The following ALG13 variants were observed in gnomAD, a reference collection of about 807,000 sequenced individuals.
ALG13 encodes ALG13 UDP-N-acetylglucosaminyltransferase subunit, also known as UDP-N-acetylglucosamine transferase subunit ALG13.
In ALG13, 11 loss-of-function variants were observed where a neutral mutation model predicts 87.8. That is an observed-to-expected ratio of 0.13 (90% CI 0.08 to 0.21). ALG13 has a LOEUF of 0.21. ALG13 is among the 10% of genes least tolerant of loss of function. The probability of loss-of-function intolerance (pLI) is 1.00; values close to 1 mark genes in which losing one functional copy is unlikely to be tolerated. For synonymous variants in ALG13, 320 were observed against 306.3 expected, an observed-to-expected ratio of 1.04 and a Z score of -0.47; for missense variants, 756 against 866.1, an observed-to-expected ratio of 0.87 and a Z score of 1.60.
chrX:111,701,486 C>T (rs1409083172), intron 3 of ALG13, among the ~76,000 whole-genome samples: 1 of 111,593 alleles, frequency 9.0e-6, no homozygotes, highest in Non-Finnish European at 1.9e-5. Flanking sequence ...AATTTGTTGG[C>T]GTATAATTGT....
In ALG13 at chrX:111,744,158, T is replaced by A. The variant is rs547544455; in HGVS notation, c.2696-510T>A. On this transcript the variant is annotated intron_variant, in intron 23 of 26. Coordinates refer to ENST00000394780, the MANE Select transcript of ALG13 (RefSeq NM_001099922.3). ...TTTAGATTCTGTACCTCCTTAGAAA[T>A]GGAACGTTCATGATTTAAAGTTCCC... Among the ~76,000 whole-genome samples, 192 of 111,753 alleles carry A rather than the reference T, an allele frequency of 1.7e-3. No individual in the cohort carries two copies. The South Asian group carries it at 0.02, about 12-fold the overall frequency.
At chrX:111,756,766 T>TG (rs1222146275) in intron 25 of ALG13, among the ~76,000 whole-genome samples, 3 of 112,201 alleles carry the variant, frequency 2.7e-5, no homozygotes, top group Non-Finnish European at 5.6e-5. Flanking sequence ...GACATGTCAG[T>TG]GCCAAGAAAA....
In ALG13 at chrX:111,746,972, C is replaced by T. The variant is rs186302955; in HGVS notation, c.2932+2068C>T. Among the ~76,000 whole-genome samples the T allele has an allele frequency of 1.5e-3, 169 of 111,396 alleles. No individual in the cohort carries two copies. The Admixed American group carries it at 0.016, about 10-fold the overall frequency. Reference sequence around the variant, plus strand: ...GGCATAGGGATTTCCCATTTTCCACCGGCCCCCACATGTCCGTAGCCTTCC... The same window carrying T: ...GGCATAGGGATTTCCCATTTTCCACTGGCCCCCACATGTCCGTAGCCTTCC... On this transcript the variant is annotated intron_variant, in intron 24 of 26. Coordinates refer to ENST00000394780, the MANE Select transcript of ALG13 (RefSeq NM_001099922.3).
chrX:111,688,062 AT>A, intron 3 of ALG13: 1 of 938,061 alleles, frequency 1.1e-6, no homozygotes, highest in South Asian at 4.5e-5. Flanking sequence ...ATGTGATTAA[AT>A]CAAATTAAAT....
chrX:111,683,193 C>A (rs1293634041), intron 2 of ALG13, among the ~76,000 whole-genome samples: 1 of 110,579 alleles, frequency 9.0e-6, no homozygotes, highest in Non-Finnish European at 1.9e-5. Context: ...TTAGTATCTC[C>A]ATTTTACACA....
intron 3 of ALG13, chrX:111,689,621 CTTTAAAATCA>C (rs1327852822): frequency 2.7e-6 from 2 of 748,853 alleles, no homozygotes; most frequent in African/African-American, 4.6e-5. Context: ...TCAAAGGAGA[CTTTAAAATCA>C]TTTTGATTTG....
intron 3 of ALG13, among the ~76,000 whole-genome samples, chrX:111,700,129 A>G (rs186212327): frequency 1.0e-3 from 107 of 104,512 alleles, no homozygotes; most frequent in African/African-American, 3.3e-3. Context: ...ATTTATACCT[A>G]AGTATTTGTT....
chrX:111,682,299 A>G lies in ALG13; in HGVS notation c.244+5A>G. 1 of 1,155,187 alleles carries G rather than the reference A, an allele frequency of 8.7e-7. No individual in the cohort carries two copies. Among genetic ancestry groups the G allele is most frequent in the Non-Finnish European group, 1.2e-6 (1 of 866,792 alleles). Reference sequence around the variant, plus strand: ...ATCTTGTTATTAGTCACGCAGGTAAAGGTGCCTAAGAATCTCAGGGTTGGG... The same window carrying G: ...ATCTTGTTATTAGTCACGCAGGTAAGGGTGCCTAAGAATCTCAGGGTTGGG... On this transcript the variant is annotated splice_donor_5th_base_variant and intron_variant, in intron 2 of 26. Coordinates refer to ENST00000394780, the MANE Select transcript of ALG13 (RefSeq NM_001099922.3).
intron 3 of ALG13, among the ~76,000 whole-genome samples, chrX:111,700,094 A>G (rs1474636387): frequency 1.3e-5 from 1 of 77,907 alleles, no homozygotes; most frequent in African/African-American, 5.2e-5. Context: ...TCAGTGTTAT[A>G]TCAGTCTTTT....
intron 3 of ALG13, among the ~76,000 whole-genome samples, chrX:111,706,395 T>C (rs1938771603): frequency 8.9e-6 from 1 of 112,726 alleles, no homozygotes; most frequent in Non-Finnish European, 1.9e-5. Flanking sequence ...GCAATCTCTC[T>C]TCCCAAACTG....
At chrX:111,740,311 C>T (rs1401372753) in intron 23 of ALG13, among the ~76,000 whole-genome samples, 1 of 110,680 alleles carries the variant, frequency 9.0e-6, no homozygotes, top group African/African-American at 3.3e-5. Context: ...TATCCCGTGT[C>T]CTTGTGAACC....
At chrX:111,749,628 CAATT>C (rs776886674) in intron 24 of ALG13, among the ~76,000 whole-genome samples, 2 of 108,940 alleles carry the variant, frequency 1.8e-5, no homozygotes, top group Admixed American at 2.0e-4. Flanking sequence ...GTATACCCGT[CAATT>C]TATTTAGGTT....
At chrX:111,699,990 A>G (rs746283906) in intron 3 of ALG13, among the ~76,000 whole-genome samples, 71 of 105,710 alleles carry the variant, frequency 6.7e-4, no homozygotes, top group Non-Finnish European at 1.1e-3. Context: ...CATTTTCACA[A>G]TATTCTTCCA....
chrX:111,744,528 C>A, intron 23 of ALG13, 140 bp from the exon 24 acceptor site: 1 of 615,837 alleles, frequency 1.6e-6, no homozygotes, highest in Non-Finnish European at 2.5e-6. Context: ...AGACAATTCA[C>A]TGTCCAAGTT....
At chrX:111,698,327 C>G (rs1393906288) in intron 3 of ALG13, among the ~76,000 whole-genome samples, 4 of 111,549 alleles carry the variant, frequency 3.6e-5, no homozygotes, top group Non-Finnish European at 7.5e-5. Flanking sequence ...ATGATTATGT[C>G]AAGCTAATTA....
intron 21 of ALG13, among the ~76,000 whole-genome samples, chrX:111,730,871 T>C (rs1420047057): frequency 8.9e-6 from 1 of 112,486 alleles, no homozygotes; most frequent in Non-Finnish European, 1.9e-5. Flanking sequence ...TCCTTTATGC[T>C]ACATGTCTAG....
intron 3 of ALG13, among the ~76,000 whole-genome samples, chrX:111,695,729 T>C (rs778830547): frequency 5.4e-5 from 6 of 111,587 alleles, no homozygotes; most frequent in East Asian, 2.8e-4. Context: ...AATCCATTCT[T>C]TGTCTTGCCT....
intron 23 of ALG13, among the ~76,000 whole-genome samples, chrX:111,741,068 G>A (rs1397364843): frequency 1.8e-5 from 2 of 112,345 alleles, no homozygotes; most frequent in African/African-American, 6.5e-5. Context: ...AGCTATGGAT[G>A]TTATAGATGT....
chrX:111,744,409 G>A (rs1944031269), intron 23 of ALG13, among the ~76,000 whole-genome samples: 1 of 111,780 alleles, frequency 8.9e-6, no homozygotes, highest in Non-Finnish European at 1.9e-5. Flanking sequence ...AAGTCTGATA[G>A]TCAAAGCTCT....
Sources: gnomAD v4.1 joint callset for allele counts (sites outside exome capture counted in the v4.1 genomes callset) on GRCh38, gnomAD v4.1.1 for gene constraint, MANE v1.5 for transcripts, NCBI Gene and HGNC (gene_info 2026-07-23, HGNC 2026-07-21) for gene names.